DPYSL3: variants seen among roughly 807,000 people sequenced by gnomAD.
DPYSL3 encodes dihydropyrimidinase like 3.
Under a neutral mutation model 66.1 loss-of-function variants are expected in DPYSL3, and 16 were observed. The ratio of observed to expected loss-of-function variants is 0.24; its 90% confidence interval spans 0.16 to 0.37. The LOEUF (loss-of-function observed/expected upper bound fraction) is 0.37. Among genes scored for constraint, DPYSL3 ranks in the 10% least tolerant of loss-of-function variants. DPYSL3 has a pLI of 1.00. For synonymous variants in DPYSL3, 338 were observed against 345.1 expected (o/e 0.98, Z 0.23); for missense variants, 738 against 916.2 (o/e 0.81, Z 2.51).
intron 1 of DPYSL3, chr5:147,453,558 C>T (rs1391232897): frequency 3.2e-6 from 5 of 1,539,426 alleles, no homozygotes; most frequent in East Asian, 5.0e-5. Context: ...CCGTGATCCG[C>T]GGGATGTTCT....
chr5:147,505,463 TG>T (rs1346756329), intron 1 of DPYSL3, among the ~76,000 whole-genome samples: 85 of 152,320 alleles, frequency 5.6e-4, no homozygotes, highest in African/African-American at 2.0e-3. Context: ...CTCAAACTCC[TG>T]ACCTCAAGTG....
intron 8 of DPYSL3, 29 bp downstream of exon 8, chr5:147,405,581 G>A (rs1438498860): frequency 1.3e-6 from 2 of 1,597,960 alleles, no homozygotes; most frequent in African/African-American, 2.7e-5. Context: ...TGCCATCAGG[G>A]GCTCCGAGAT....
At chr5:147,444,383 G>C (rs1432057772) in intron 1 of DPYSL3, among the ~76,000 whole-genome samples, 1 of 151,806 alleles carries the variant, frequency 6.6e-6, no homozygotes, top group African/African-American at 2.4e-5. Context: ...CTTTACACAG[G>C]GTACAATAAA....
intron 2 of DPYSL3, among the ~76,000 whole-genome samples, chr5:147,419,629 A>G (rs1581183734): frequency 6.6e-6 from 1 of 152,256 alleles, no homozygotes; most frequent in East Asian, 1.9e-4. Flanking sequence ...TCTGTACCTC[A>G]CTGTCCATTG....
chr5:147,447,044 C>T (rs1446954360), intron 1 of DPYSL3, among the ~76,000 whole-genome samples: 1 of 152,150 alleles, frequency 6.6e-6, no homozygotes, highest in Admixed American at 6.5e-5. Context: ...TGACTTTAGC[C>T]AAATTACTTA....
At chr5:147,443,494 G>A (rs1196721502) in intron 1 of DPYSL3, among the ~76,000 whole-genome samples, 1 of 151,832 alleles carries the variant, frequency 6.6e-6, no homozygotes, top group Non-Finnish European at 1.5e-5. Flanking sequence ...TTGGGGGGGT[G>A]ATGGGAGGGA....
chr5:147,499,105 G>A (rs529589744), intron 1 of DPYSL3, among the ~76,000 whole-genome samples: 92 of 152,114 alleles, frequency 6.0e-4, no homozygotes, highest in Admixed American at 4.6e-4. Context: ...TTTATATGGT[G>A]CACCACTGCT....
intron 1 of DPYSL3, among the ~76,000 whole-genome samples, chr5:147,479,782 C>A (rs1270355411): frequency 6.6e-6 from 1 of 152,120 alleles, no homozygotes; most frequent in African/African-American, 2.4e-5. Flanking sequence ...ACCCAAGTCC[C>A]ACTGTAAAAC....
At chr5:147,479,376 T>G (rs986432189) in intron 1 of DPYSL3, among the ~76,000 whole-genome samples, 1 of 152,162 alleles carries the variant, frequency 6.6e-6, no homozygotes, top group Non-Finnish European at 1.5e-5. Flanking sequence ...GGCTGTATAT[T>G]CTAAGAGATG....
intron 1 of DPYSL3, among the ~76,000 whole-genome samples, chr5:147,497,912 C>G (rs1245775883): frequency 4.0e-5 from 6 of 151,762 alleles, no homozygotes; most frequent in Non-Finnish European, 8.8e-5. Context: ...CTCTCTCTCT[C>G]TCTTTCTCTC....
chr5:147,499,543 G>A (rs1753571991), intron 1 of DPYSL3, among the ~76,000 whole-genome samples: 2 of 152,154 alleles, frequency 1.3e-5, no homozygotes, highest in South Asian at 4.1e-4. Context: ...AAACTCTGAT[G>A]AAAGGTGTCA....
intron 1 of DPYSL3, among the ~76,000 whole-genome samples, 199 bp from the exon 2 acceptor site, chr5:147,425,162 A>C (rs1752172470): frequency 6.6e-6 from 1 of 152,208 alleles, no homozygotes; most frequent in Non-Finnish European, 1.5e-5. Flanking sequence ...CCCTTAATTC[A>C]AATTATTCTA....
At chr5:147,462,546 A>G (rs1752949117) in intron 1 of DPYSL3, among the ~76,000 whole-genome samples, 1 of 152,180 alleles carries the variant, frequency 6.6e-6, no homozygotes, top group African/African-American at 2.4e-5. Context: ...AACTTCTTTC[A>G]GAGTAAAGAA....
intron 3 of DPYSL3, among the ~76,000 whole-genome samples, chr5:147,418,109 C>A (rs1346594100): frequency 6.6e-6 from 1 of 152,192 alleles, no homozygotes; most frequent in Non-Finnish European, 1.5e-5. Flanking sequence ...AATAATGTTT[C>A]ATCTTCTATC....
chr5:147,400,055 GT>G (rs909757091), intron 10 of DPYSL3, among the ~76,000 whole-genome samples: 2 of 152,162 alleles, frequency 1.3e-5, no homozygotes, highest in African/African-American at 4.8e-5. Flanking sequence ...TGATAAGAAT[GT>G]TTTTAGGATT....
rs1753730239 is a variant in DPYSL3, at chr5:147,509,610, C to T, written c.249G>A (p.Gly83=). ...GGCCTTGGCCCCTGCGCGGGGTGTC[C>T]CCCTCGATCCCGGGCCGACTCCCCG... ...RGSGSRPGIE[G]DTPRRGQGRE... is the part of the protein sequence containing the mutation. The change falls in exon 1 of 14, where the codon GGG becomes GGA. Residue 83 remains glycine (G), a synonymous_variant. Transcript: ENST00000343218. The surrounding 1 kb of genome is among the most constrained non-coding windows in gnomAD (Gnocchi z 5.3). The T allele has an allele frequency of 3.3e-6, 5 of 1,535,446 alleles. No homozygotes were observed. The highest frequency in any genetic ancestry group is 2.7e-5 in the African/African-American group (2 of 73,036).
intron 1 of DPYSL3, among the ~76,000 whole-genome samples, chr5:147,481,183 A>G (rs150382651): frequency 1.6e-4 from 25 of 152,282 alleles, no homozygotes; most frequent in African/African-American, 6.0e-4. Flanking sequence ...TCTGCCACAT[A>G]ATAGCTGTGT....
At chr5:147,405,533 A>G in intron 8 of DPYSL3, 77 bp downstream of exon 8, 2 of 1,510,250 alleles carry the variant, frequency 1.3e-6, no homozygotes, top group East Asian at 2.3e-5. Context: ...CACCATTTAT[A>G]TTACACAGGA....
chr5:147,495,176 C>A (rs1276184819), intron 1 of DPYSL3, among the ~76,000 whole-genome samples: 1 of 152,100 alleles, frequency 6.6e-6, no homozygotes, highest in Non-Finnish European at 1.5e-5. Flanking sequence ...GAGATAGAAG[C>A]AGAAGAAATA....
Sources: gnomAD v4.1 joint callset for allele counts (sites outside exome capture counted in the v4.1 genomes callset) on GRCh38, gnomAD v4.1.1 for gene constraint, Gnocchi (gnomAD v3.1) non-coding constraint, MANE v1.5 for transcripts, NCBI Gene and HGNC (gene_info 2026-07-23, HGNC 2026-07-21) for gene names.